Variants in LRFN5 observed in about 807,000 individuals in gnomAD.
LRFN5 encodes the protein leucine-rich repeat and fibronectin type-III domain-containing protein 5.
Under a neutral mutation model 45.6 loss-of-function variants are expected in LRFN5, and 24 were observed. That is an observed-to-expected ratio of 0.53 (90% CI 0.38 to 0.74). The LOEUF (loss-of-function observed/expected upper bound fraction) is 0.74. LRFN5 is among the 30% of genes least tolerant of loss of function. The probability of loss-of-function intolerance (pLI) is 0.00; values close to 1 mark genes in which losing one functional copy is unlikely to be tolerated. For synonymous variants in LRFN5, 340 were observed against 313.8 expected (o/e 1.08, Z -0.88); for missense variants, 776 against 861.5 (o/e 0.90, Z 1.24).
chr14:41,839,883 T>TGG (rs1888799348), intron 2 of LRFN5, among the ~76,000 whole-genome samples: 1 of 152,104 alleles, frequency 6.6e-6, no homozygotes, highest in East Asian at 1.9e-4. Flanking sequence ...GCTTTGATAA[T>TGG]ACAGAGGGGA....
rs561767441 is a variant in LRFN5, at chr14:41,687,169, G to T, written c.-197+78607G>T. Among the ~76,000 whole-genome samples, 5 of 152,184 alleles carry T rather than the reference G, an allele frequency of 3.3e-5. No individual in the cohort carries two copies. The South Asian group carries it at 1.0e-3, about 32-fold the overall frequency. ...TTTACAATAAAAAAACATCAAAAATGGTCAAAGGATATGAACAGACACTTC... is the reference window on the plus strand; with the variant it reads ...TTTACAATAAAAAAACATCAAAAATTGTCAAAGGATATGAACAGACACTTC... On this transcript the variant is annotated intron_variant, in intron 1 of 5. Transcript: ENST00000298119.
At chr14:41,843,946 A>G (rs746575816) in intron 2 of LRFN5, among the ~76,000 whole-genome samples, 2 of 152,248 alleles carry the variant, frequency 1.3e-5, no homozygotes, top group African/African-American at 4.8e-5. Context: ...GGTCACTGTT[A>G]TAGAAATAGC....
chr14:41,702,659 T>A (rs1882886916), intron 1 of LRFN5, among the ~76,000 whole-genome samples: 1 of 151,666 alleles, frequency 6.6e-6, no homozygotes, highest in Admixed American at 6.6e-5. Flanking sequence ...GAGATGGGGT[T>A]TTGTTGTGTT....
chr14:41,740,728 A>G (rs1478148572), intron 1 of LRFN5, among the ~76,000 whole-genome samples: 2 of 151,920 alleles, frequency 1.3e-5, no homozygotes, highest in South Asian at 4.1e-4. Context: ...AAAAAGAAAT[A>G]AAAGGCCTCC....
rs1277144600 is a variant in LRFN5 at position 41,728,308 on chromosome 14, AAAATCT to A, written c.-196-38544_-196-38539del. On this transcript the variant is annotated intron_variant, in intron 1 of 5. Coordinates refer to ENST00000298119, the MANE Select transcript of LRFN5 (RefSeq NM_152447.5). ...TGAGAGTTACAGACTAACAACTTAA[AAAATCT>A]ATAATCCAGAGAAGAAAAGACTAGA... Among the ~76,000 whole-genome samples, 5 of 152,270 alleles carry A rather than the reference AAAATCT, an allele frequency of 3.3e-5. No individual in the cohort carries two copies. The East Asian group carries it at 9.7e-4, about 29-fold the overall frequency.
chr14:41,736,008 A>T (rs1480186607), intron 1 of LRFN5, among the ~76,000 whole-genome samples: 2 of 152,124 alleles, frequency 1.3e-5, no homozygotes, highest in African/African-American at 4.8e-5. Flanking sequence ...TCTATCATTG[A>T]TGGGCATTTG....
chr14:41,734,029 C>T (rs60958462), intron 1 of LRFN5, among the ~76,000 whole-genome samples: 4,036 of 123,584 alleles, frequency 0.033, 198 homozygotes, highest in African/African-American at 0.094. Flanking sequence ...CTTTTCTTTT[C>T]TTTTTTTTTT....
Position 41,606,965 on chromosome 14 carries a change from C to T in LRFN5, c.-1794C>T, listed in dbSNP as rs955538699. Among the ~76,000 whole-genome samples, 3 of 151,962 alleles carry T rather than the reference C, an allele frequency of 2.0e-5. No homozygotes were observed. The highest frequency in any genetic ancestry group is 7.2e-5 in the African/African-American group (3 of 41,420). On this transcript the variant is annotated 5_prime_UTR_variant, in exon 1 of 6. Transcript: ENST00000298119. ...TGCCCACACGCGACGCTTTGGGAAG[C>T]CCAGCTCCCGGGTCCGCCCCGGCCG...
At chr14:41,802,814 G>T (rs1050727532) in intron 2 of LRFN5, among the ~76,000 whole-genome samples, 1 of 152,104 alleles carries the variant, frequency 6.6e-6, no homozygotes, top group African/African-American at 2.4e-5. Context: ...TAGAAGGTAG[G>T]AAGTGGGAAG....
At chr14:41,690,093 C>T (rs893995680) in intron 1 of LRFN5, among the ~76,000 whole-genome samples, 1 of 151,990 alleles carries the variant, frequency 6.6e-6, no homozygotes, top group African/African-American at 2.4e-5. Context: ...TTAAACTCTC[C>T]TTTATGAATA....
intron 1 of LRFN5, among the ~76,000 whole-genome samples, chr14:41,761,121 A>G (rs920803247): frequency 1.4e-4 from 21 of 152,182 alleles, no homozygotes; most frequent in Admixed American, 4.6e-4. Flanking sequence ...GCATGTGCAT[A>G]CGCAGTTGTG....
intron 1 of LRFN5, among the ~76,000 whole-genome samples, chr14:41,734,997 A>G (rs571039428): frequency 3.9e-5 from 6 of 152,210 alleles, no homozygotes; most frequent in Non-Finnish European, 7.4e-5. Flanking sequence ...TACTTAACAT[A>G]TTTTTGTAAC....
chr14:41,877,753 A>G (rs1332419852), intron 2 of LRFN5, among the ~76,000 whole-genome samples: 1 of 152,122 alleles, frequency 6.6e-6, no homozygotes, highest in Non-Finnish European at 1.5e-5. Context: ...ACATTTTCAT[A>G]GTTGGCCATC....
intron 2 of LRFN5, among the ~76,000 whole-genome samples, chr14:41,811,694 T>C (rs1887741663): frequency 6.6e-6 from 1 of 152,032 alleles, no homozygotes; most frequent in Non-Finnish European, 1.5e-5. Context: ...TCCATTGGTA[T>C]GAAATGTCCA....
chr14:41,831,429 A>T (rs1395062588), intron 2 of LRFN5, among the ~76,000 whole-genome samples: 1 of 152,228 alleles, frequency 6.6e-6, no homozygotes, highest in East Asian at 1.9e-4. Flanking sequence ...ATACACATAT[A>T]TACATGCCAC....
chr14:41,818,581 C>G (rs1466364941), intron 2 of LRFN5, among the ~76,000 whole-genome samples: 1 of 151,880 alleles, frequency 6.6e-6, no homozygotes, highest in African/African-American at 2.4e-5. Context: ...TCCAATATTT[C>G]TTAAGTAGTA....
chr14:41,752,823 G>C (rs1161042912), intron 1 of LRFN5, among the ~76,000 whole-genome samples: 6 of 152,262 alleles, frequency 3.9e-5, no homozygotes, highest in African/African-American at 1.4e-4. Flanking sequence ...TTGTGTTTTA[G>C]ACATGAAGTC....
chr14:41,804,868 T>C lies in LRFN5; in HGVS notation c.-21+37839T>C, dbSNP rs118100990. On this transcript the variant is annotated intron_variant, in intron 2 of 5. Coordinates refer to ENST00000298119, the MANE Select transcript of LRFN5 (RefSeq NM_152447.5). Reference sequence around the variant, plus strand: ...ATAATGTTTTGAATGGAAACTGATATTACCTCTAATACCAATAAACCTCCA... The same window carrying C: ...ATAATGTTTTGAATGGAAACTGATACTACCTCTAATACCAATAAACCTCCA... Among the ~76,000 whole-genome samples the C allele has an allele frequency of 4.0e-3, 616 of 152,328 alleles. 2 individuals are homozygous for C. The highest frequency in any genetic ancestry group is 7.2e-3 in the Non-Finnish European group (491 of 68,028).
At position 41,674,306 on chromosome 14, in the gene LRFN5, G is replaced by A. The variant is rs1343597672; in HGVS notation, c.-197+65744G>A. 5.3e-5 allele frequency among the ~76,000 whole-genome samples: 7 copies of A among 133,258 alleles called. No individual in the cohort carries two copies. The South Asian group carries it at 7.4e-4, about 14-fold the overall frequency. The allele number at this position is 133,258 out of a possible 152,430, so 87.4% of individuals were successfully genotyped here. A position where few individuals can be genotyped will look rare whatever the true frequency, so the allele number is the denominator to read the frequency against. On this transcript the variant is annotated intron_variant, in intron 1 of 5. Coordinates refer to ENST00000298119, the MANE Select transcript of LRFN5 (RefSeq NM_152447.5). ...CAGAGGCGTCCCTCACCTCCCGGAC[G>A]GGGCGGCTGGCCGGGCGGGGGGCCG...
Sources: allele counts gnomAD v4.1 joint callset (sites outside exome capture counted in the v4.1 genomes callset), GRCh38; gene constraint gnomAD v4.1.1; transcripts MANE v1.5; gene names NCBI Gene and HGNC (gene_info 2026-07-23, HGNC 2026-07-21).